Variants in STK3 observed in about 807,000 individuals in gnomAD.
The protein encoded by STK3 is serine/threonine kinase 3.
Under a neutral mutation model 58.0 loss-of-function variants are expected in STK3, and 41 were observed. The ratio of observed to expected loss-of-function variants is 0.71; its 90% CI spans 0.55 to 0.92. The LOEUF (loss-of-function observed/expected upper bound fraction) is 0.92, where lower values mean the gene tolerates loss of function less well. Among genes scored for constraint, STK3 ranks in the 40% least tolerant of loss-of-function variants. The pLI is 0.00. For synonymous variants in STK3, 170 were observed against 191.0 expected (o/e 0.89, Z 0.91); for missense variants, 479 against 602.7 (o/e 0.79, Z 2.15).
downstream of STK3, among the ~76,000 whole-genome samples, chr8:98,450,351 A>G (rs890429570): frequency 6.6e-6 from 1 of 152,220 alleles, no homozygotes; most frequent in African/African-American, 2.4e-5. Context: ...TTAATTTAGT[A>G]TTTACGTGTC....
chr8:98,863,963 G>A (rs1439560954), intron 3 of STK3, among the ~76,000 whole-genome samples: 4 of 151,890 alleles, frequency 2.6e-5, no homozygotes, highest in African/African-American at 7.3e-5. Context: ...TTGGGAGGCC[G>A]AGGCAGGCAG....
chr8:98,407,188 T>A (rs1818001777), intron 3 of STK3, among the ~76,000 whole-genome samples: 1 of 152,196 alleles, frequency 6.6e-6, no homozygotes, highest in Admixed American at 6.5e-5. Flanking sequence ...AAGCATAGAA[T>A]TTCCCTTCTG....
intron 8 of STK3, among the ~76,000 whole-genome samples, chr8:98,570,104 A>AAT (rs1241631559): frequency 1.4e-5 from 2 of 148,138 alleles, no homozygotes; most frequent in African/African-American, 4.9e-5. Flanking sequence ...TAAATATATA[A>AAT]ATATATATAT....
chr8:98,569,301 G>A (rs1812762696), intron 8 of STK3, among the ~76,000 whole-genome samples: 1 of 151,908 alleles, frequency 6.6e-6, no homozygotes, highest in Non-Finnish European at 1.5e-5. Flanking sequence ...ATAAAAATAA[G>A]GAAGTAAAAC....
chr8:98,612,797 C>T (rs1267240406), intron 6 of STK3, among the ~76,000 whole-genome samples: 2 of 152,124 alleles, frequency 1.3e-5, no homozygotes, highest in African/African-American at 4.8e-5. Flanking sequence ...TAGTGGACAG[C>T]CTAAAGTTCT....
chr8:98,677,283 T>A (rs544169976), intron 6 of STK3, among the ~76,000 whole-genome samples: 25 of 152,062 alleles, frequency 1.6e-4, no homozygotes, highest in South Asian at 6.2e-4. Context: ...AGTCTCCTCA[T>A]GCCATTAAAA....
intron 9 of STK3, among the ~76,000 whole-genome samples, chr8:98,528,593 TCTC>T (rs1825921774): frequency 6.6e-6 from 1 of 152,120 alleles, no homozygotes; most frequent in Non-Finnish European, 1.5e-5. Flanking sequence ...TTCAAGCAAT[TCTC>T]CTGCCTCAGC....
chr8:98,751,381 C>T (rs1829972819), intron 3 of STK3, among the ~76,000 whole-genome samples: 1 of 152,162 alleles, frequency 6.6e-6, no homozygotes, highest in Non-Finnish European at 1.5e-5. Context: ...AAAAGCTTCT[C>T]AGGCTGATAA....
At chr8:98,872,651 T>C (rs1587782623) in intron 3 of STK3, among the ~76,000 whole-genome samples, 1 of 152,242 alleles carries the variant, frequency 6.6e-6, no homozygotes, top group Non-Finnish European at 1.5e-5. Flanking sequence ...TATTCTCTGA[T>C]GGTAGTTTGT....
At chr8:98,861,344 ATTTT>A (rs772895902) in intron 3 of STK3, among the ~76,000 whole-genome samples, 1 of 85,918 alleles carries the variant, frequency 1.2e-5, no homozygotes, top group East Asian at 4.0e-4. Context: ...GTTTCTTTGG[ATTTT>A]TTTTTTTTTT....
chr8:98,767,763 A>G (rs535136541), intron 2 of STK3, among the ~76,000 whole-genome samples: 1 of 152,348 alleles, frequency 6.6e-6, no homozygotes, highest in African/African-American at 2.4e-5. Flanking sequence ...GACCCCCAGA[A>G]TATCAAAAAG....
At chr8:98,592,069 T>C (rs1393160990) in intron 7 of STK3, among the ~76,000 whole-genome samples, 1 of 152,180 alleles carries the variant, frequency 6.6e-6, no homozygotes, top group African/African-American at 2.4e-5. Context: ...TTACAGTGCC[T>C]CCTCATTCTA....
chr8:98,928,956 T>C (rs1839908473), intron 1 of STK3, among the ~76,000 whole-genome samples: 1 of 152,230 alleles, frequency 6.6e-6, no homozygotes, highest in Non-Finnish European at 1.5e-5. Context: ...AAAAGATTTT[T>C]AATTCAAAGG....
chr8:98,415,388 A>G (rs902676555), intron 3 of STK3, among the ~76,000 whole-genome samples: 1 of 152,248 alleles, frequency 6.6e-6, no homozygotes, highest in Non-Finnish European at 1.5e-5. Context: ...ACTTTTGTTG[A>G]TGATAGTAGT....
At chr8:98,649,040 G>A (rs1820648697) in intron 6 of STK3, among the ~76,000 whole-genome samples, 1 of 147,808 alleles carries the variant, frequency 6.8e-6, no homozygotes, top group Admixed American at 6.7e-5. Flanking sequence ...TGGGCAACAA[G>A]AGCAAGACTC....
At chr8:98,649,399 G>T (rs887863862) in intron 6 of STK3, among the ~76,000 whole-genome samples, 1 of 151,946 alleles carries the variant, frequency 6.6e-6, no homozygotes, top group African/African-American at 2.4e-5. Flanking sequence ...TCCTATGTTG[G>T]TTAGAAACTT....
chr8:98,667,872 GAA>G (rs1234072342), intron 6 of STK3, among the ~76,000 whole-genome samples: 4 of 151,896 alleles, frequency 2.6e-5, no homozygotes, highest in African/African-American at 7.2e-5. Flanking sequence ...TTTTGGTAAT[GAA>G]AAGAGTATAA....
At chr8:98,430,815 A>C (rs1340819189) in intron 3 of STK3, 1 of 167,062 alleles carries the variant, frequency 6.0e-6, no homozygotes, top group Non-Finnish European at 1.5e-5. Flanking sequence ...AAAAATTGTA[A>C]ACTTGAAAAG....
Position 98,587,952 on chromosome 8 carries a change from T to C in STK3, c.822+8080A>G, listed in dbSNP as rs576275840. 1.4e-4 allele frequency among the ~76,000 whole-genome samples: 21 copies of C among 152,320 alleles called. No individual in the cohort carries two copies. In the South Asian group the frequency reaches 3.1e-3, roughly 23 times the overall value. On this transcript the variant is annotated intron_variant, in intron 7 of 10. Transcript: ENST00000419617. ...CTTTTTTTGTTTTCCATTTGCTTGG[T>C]AGATTTTCCTCCATCCTTGTATTTT...
Sources: allele counts gnomAD v4.1 joint callset (sites outside exome capture counted in the v4.1 genomes callset), GRCh38; gene constraint gnomAD v4.1.1; transcripts MANE v1.5; gene names NCBI Gene and HGNC (gene_info 2026-07-23, HGNC 2026-07-21).